Variants in RNF6 observed in about 807,000 individuals in gnomAD.
RNF6 encodes the protein ring finger protein 6.
In RNF6, 21 loss-of-function variants were observed where a neutral mutation model predicts 50.1. The ratio of observed to expected loss-of-function variants is 0.42; its 90% CI spans 0.30 to 0.60. The LOEUF (loss-of-function observed/expected upper bound fraction) is 0.60. Ranked by LOEUF, RNF6 falls within the 20% of genes least tolerant of loss-of-function variation. The probability of loss-of-function intolerance (pLI) is 0.20; values close to 1 mark genes in which losing one functional copy is unlikely to be tolerated. For synonymous variants in RNF6, 255 were observed against 291.8 expected (o/e 0.87, Z 1.29); for missense variants, 698 against 838.2 (o/e 0.83, Z 2.07).
chr13:26,151,621 CTTTTTTTT>C (rs10682446), intron 5 of RNF6, among the ~76,000 whole-genome samples: 11 of 139,586 alleles, frequency 7.9e-5, no homozygotes, highest in Admixed American at 2.9e-4. Context: ...TTCTTTTTTT[CTTTTTTTT>C]TTTTTGGCAG....
chr13:26,134,350 G>A (rs1044358291), intron 5 of RNF6, among the ~76,000 whole-genome samples: 3 of 152,222 alleles, frequency 2.0e-5, no homozygotes, highest in Non-Finnish European at 2.9e-5. Flanking sequence ...CTCCCTACTC[G>A]GCCTTTGCCG....
intron 5 of RNF6, among the ~76,000 whole-genome samples, chr13:26,184,003 TA>T (rs1183311520): frequency 9.8e-5 from 1 of 10,210 alleles, no homozygotes; most frequent in Admixed American, 1.2e-3. Flanking sequence ...TATATATATA[TA>T]TATATATATA....
chr13:26,202,392 G>T (rs528502938), intron 5 of RNF6, among the ~76,000 whole-genome samples: 3 of 152,138 alleles, frequency 2.0e-5, no homozygotes, highest in Non-Finnish European at 4.4e-5. Flanking sequence ...AATAGGAGAG[G>T]ATCAAATTAA....
At chr13:26,222,604 T>C (rs1410905001), upstream of RNF6, 1 of 152,486 alleles carries the variant, frequency 6.6e-6, no homozygotes, top group African/African-American at 2.4e-5. Context: ...TTTCCCTTGC[T>C]GTGCTTTGGA....
At chr13:26,146,435 T>A (rs1242335429) in intron 5 of RNF6, among the ~76,000 whole-genome samples, 1 of 152,230 alleles carries the variant, frequency 6.6e-6, no homozygotes, top group African/African-American at 2.4e-5. Context: ...TGGTCATAGT[T>A]CCCACTGTAA....
At chr13:26,221,030 C>G (rs953238969) in intron 2 of RNF6, among the ~76,000 whole-genome samples, 5 of 152,098 alleles carry the variant, frequency 3.3e-5, no homozygotes, top group Non-Finnish European at 7.4e-5. Flanking sequence ...TATGAATTAA[C>G]ACTACTAAAA....
At chr13:26,162,278 A>C (rs1296054196) in intron 5 of RNF6, among the ~76,000 whole-genome samples, 1 of 152,160 alleles carries the variant, frequency 6.6e-6, no homozygotes, top group African/African-American at 2.4e-5. Flanking sequence ...AACCCACTGG[A>C]ATCATTCAAA....
intron 5 of RNF6, among the ~76,000 whole-genome samples, chr13:26,133,008 G>C (rs1055392189): frequency 6.6e-6 from 1 of 152,140 alleles, no homozygotes; most frequent in East Asian, 1.9e-4. Context: ...GAAAACCACT[G>C]ATCTAGAGAA....
chr13:26,192,286 G>A (rs1868493044), intron 5 of RNF6, among the ~76,000 whole-genome samples: 1 of 152,228 alleles, frequency 6.6e-6, no homozygotes, highest in African/African-American at 2.4e-5. Flanking sequence ...ACAATGGCTA[G>A]GAACAGAGTG....
intron 5 of RNF6, among the ~76,000 whole-genome samples, chr13:26,192,809 CCCCAG>C (rs1255263149): frequency 2.0e-5 from 3 of 152,166 alleles, no homozygotes; most frequent in African/African-American, 7.2e-5. Context: ...TCAGATGAGA[CCCCAG>C]CCTTGGCTGA....
intron 5 of RNF6, among the ~76,000 whole-genome samples, chr13:26,138,308 T>G (rs1253674563): frequency 6.6e-6 from 1 of 152,094 alleles, no homozygotes; most frequent in Non-Finnish European, 1.5e-5. Context: ...AAACAAAAAC[T>G]GAGAGACGTT....
At chr13:26,147,788 G>A (rs1049525437) in intron 5 of RNF6, among the ~76,000 whole-genome samples, 1 of 152,180 alleles carries the variant, frequency 6.6e-6, no homozygotes, top group Non-Finnish European at 1.5e-5. Flanking sequence ...CAGGACACAA[G>A]AGTCTCCTTC....
In RNF6 at chr13:26,214,860, A is replaced by G. The variant is rs1283305574; in HGVS notation, c.1022T>C (p.Val341Ala). The change falls in exon 5 of 5, where the codon GTT becomes GCT. Residue 341 changes from valine to alanine, a missense_variant. Transcript: ENST00000381588. ...RPVQQTTRRS[V>A]RRRGRTRVFL... Reference sequence around the variant, plus strand: ...GACTCGAGTTCTACCTCTCCTCCTAACAGATCTTCTAGTGGTTTGCTGTAC... The same window carrying G: ...GACTCGAGTTCTACCTCTCCTCCTAGCAGATCTTCTAGTGGTTTGCTGTAC... The G allele has an allele frequency of 1.2e-6, 2 of 1,613,982 alleles. No homozygotes were observed. Among genetic ancestry groups the G allele is most frequent in the African/African-American group, 2.7e-5 (2 of 74,880 alleles).
At chr13:26,151,945 G>A (rs1331833728) in intron 5 of RNF6, among the ~76,000 whole-genome samples, 1 of 152,082 alleles carries the variant, frequency 6.6e-6, no homozygotes, top group Non-Finnish European at 1.5e-5. Context: ...CCTCACGCAA[G>A]GCACCAGAGC....
At chr13:26,179,578 A>G (rs214429) in intron 5 of RNF6, among the ~76,000 whole-genome samples, 100,667 of 152,004 alleles carry the variant, frequency 0.66, 33,709 homozygotes, top group African/African-American at 0.74. Context: ...ACGGCTCTGC[A>G]TTCTCAGCAC....
chr13:26,174,369 G>A (rs193269075), intron 5 of RNF6, among the ~76,000 whole-genome samples: 1 of 152,200 alleles, frequency 6.6e-6, no homozygotes, highest in African/African-American at 2.4e-5. Context: ...AACTGAAATA[G>A]GCTGGGCACG....
intron 4 of RNF6, among the ~76,000 whole-genome samples, chr13:26,217,236 AAT>A (rs1212475943): frequency 1.3e-5 from 2 of 152,226 alleles, no homozygotes; most frequent in Non-Finnish European, 2.9e-5. Context: ...CAAATAATAA[AAT>A]GTGTTAATGT....
intron 5 of RNF6, among the ~76,000 whole-genome samples, chr13:26,184,271 T>C (rs1237667866): frequency 6.6e-6 from 1 of 151,944 alleles, no homozygotes; most frequent in African/African-American, 2.4e-5. Context: ...GACCTCGTGA[T>C]TCGCCCGTCT....
upstream of RNF6, among the ~76,000 whole-genome samples, chr13:26,223,014 C>A (rs1870660268): frequency 2.0e-5 from 3 of 152,212 alleles, no homozygotes; most frequent in African/African-American, 7.2e-5. Flanking sequence ...ACTAAACTTA[C>A]CTCACCGTTA....
Sources: gnomAD v4.1 joint callset for allele counts (sites outside exome capture counted in the v4.1 genomes callset) on GRCh38, gnomAD v4.1.1 for gene constraint, MANE v1.5 for transcripts, NCBI Gene and HGNC (gene_info 2026-07-23, HGNC 2026-07-21) for gene names.